Variants in RBBP8 observed in about 807,000 individuals in gnomAD.
The protein encoded by RBBP8 is DNA endonuclease RBBP8.
In RBBP8, 88 loss-of-function variants were observed where a neutral mutation model predicts 108.3. That is an observed-to-expected ratio of 0.81 (90% confidence interval 0.68 to 0.97). RBBP8 has a LOEUF of 0.97. Ranked by LOEUF, RBBP8 falls within the 50% of genes least tolerant of loss-of-function variation. The pLI is 0.00. For synonymous variants in RBBP8, 332 were observed against 348.2 expected, an observed-to-expected ratio of 0.95 and a Z score of 0.52; for missense variants, 1,023 against 1,049.0, an observed-to-expected ratio of 0.98 and a Z score of 0.34.
chr18:22,924,007 T>A (rs1909695188), intron 3 of RBBP8, among the ~76,000 whole-genome samples: 1 of 152,166 alleles, frequency 6.6e-6, no homozygotes, highest in Admixed American at 6.5e-5. Flanking sequence ...TTCACTCCAA[T>A]CCTGACTGAG....
intron 17 of RBBP8, among the ~76,000 whole-genome samples, chr18:23,017,890 G>T (rs2046288691): frequency 6.6e-6 from 1 of 151,510 alleles, no homozygotes; most frequent in Non-Finnish European, 1.5e-5. Flanking sequence ...GGGATTACAG[G>T]CACCTACCAC....
chr18:23,022,636 ATAAATAAAATACAATAT>A lies in RBBP8; in HGVS notation c.2596+367_2596+383del, dbSNP rs1568010110. Among the ~76,000 whole-genome samples the A allele has an allele frequency of 4.4e-4, 41 of 94,026 alleles. 1 individual carries two copies. Among genetic ancestry groups the A allele is most frequent in the Non-Finnish European group, 5.6e-4 (20 of 35,558 alleles). 61.7% of individuals were successfully genotyped at this position (94,026 alleles called of 152,430 possible). A position where few individuals can be genotyped will look rare whatever the true frequency, so the allele number is the denominator to read the frequency against. On this transcript the variant is annotated intron_variant, in intron 18 of 18. Transcript: ENST00000327155. ...ATAAAATAAAATAAAATAAAATAAA[ATAAATAAAATACAATAT>A]AAAATAAAATAAAATAAATAACTGT... is the stretch of plus-strand genomic sequence containing the variant.
At chr18:23,024,763 A>G (rs1039452192) in intron 18 of RBBP8, 1 of 152,240 alleles carries the variant, frequency 6.6e-6, no homozygotes, top group Non-Finnish European at 1.5e-5. Flanking sequence ...ATTGAAAAGT[A>G]TAGTAGTGTT....
intron 1 of RBBP8, among the ~76,000 whole-genome samples, chr18:22,915,058 G>C (rs1292674112): frequency 1.3e-5 from 2 of 152,008 alleles, no homozygotes; most frequent in Admixed American, 6.6e-5. Flanking sequence ...TTAGATTTAT[G>C]TTGGCATACC....
At chr18:22,934,682 C>T (rs935975001) in intron 1 of RBBP8, 2 of 147,780 alleles carry the variant, frequency 1.4e-5, no homozygotes, top group Admixed American at 6.7e-5. Context: ...CACCCCACGG[C>T]AGGCCCCGGT....
intron 3 of RBBP8, among the ~76,000 whole-genome samples, chr18:22,947,437 A>G (rs1046536687): frequency 1.3e-5 from 2 of 151,856 alleles, no homozygotes; most frequent in East Asian, 1.9e-4. Context: ...CTGCATAGGT[A>G]TGTAAAAGAG....
chr18:22,988,225 C>T (rs1915460697), intron 8 of RBBP8, among the ~76,000 whole-genome samples: 1 of 152,190 alleles, frequency 6.6e-6, no homozygotes, highest in Non-Finnish European at 1.5e-5. Flanking sequence ...TGTGTCACAG[C>T]CACTAATACC....
intron 4 of RBBP8, among the ~76,000 whole-genome samples, chr18:22,961,783 C>A (rs2144555421): frequency 6.6e-6 from 1 of 152,286 alleles, no homozygotes; most frequent in Non-Finnish European, 1.5e-5. Flanking sequence ...AAGGATCAAT[C>A]TGTGAAGAGA....
At chr18:22,969,538 TTCTG>T (rs1017895580) in intron 5 of RBBP8, among the ~76,000 whole-genome samples, 11 of 152,180 alleles carry the variant, frequency 7.2e-5, no homozygotes, top group African/African-American at 1.7e-4. Flanking sequence ...TCCAAACTAA[TTCTG>T]TCTTTTATTT....
chr18:22,938,600 G>A (rs2144408348), intron 2 of RBBP8, among the ~76,000 whole-genome samples: 1 of 152,296 alleles, frequency 6.6e-6, no homozygotes, highest in South Asian at 2.1e-4. Context: ...TTATTTACTT[G>A]TGGTAATATG....
intron 4 of RBBP8, among the ~76,000 whole-genome samples, chr18:22,964,673 A>T (rs187281043): frequency 2.3e-3 from 351 of 150,750 alleles, no homozygotes; most frequent in Non-Finnish European, 4.1e-3. Context: ...TTTTGTTTAA[A>T]TAGTGACAGG....
chr18:22,978,542 T>C (rs1914657989), intron 6 of RBBP8, among the ~76,000 whole-genome samples: 1 of 152,054 alleles, frequency 6.6e-6, no homozygotes, highest in Non-Finnish European at 1.5e-5. Context: ...TGATCCCAGC[T>C]TCTTCCACAT....
At chr18:22,957,488 T>G (rs1912682886) in intron 4 of RBBP8, among the ~76,000 whole-genome samples, 1 of 152,144 alleles carries the variant, frequency 6.6e-6, no homozygotes, top group African/African-American at 2.4e-5. Flanking sequence ...TAATTGTTAC[T>G]CTGATAAGTT....
At chr18:22,941,165 T>G (rs913987001) in intron 2 of RBBP8, among the ~76,000 whole-genome samples, 1 of 152,052 alleles carries the variant, frequency 6.6e-6, no homozygotes, top group Admixed American at 6.5e-5. Flanking sequence ...AAACTCTTGA[T>G]TTCTATTTTT....
At chr18:22,929,505 TGTG>T (rs778108751), upstream of RBBP8, 4,331 of 41,950 alleles carry the variant, frequency 0.1, 170 homozygotes, top group East Asian at 0.14. Context: ...TGTGTGTGTG[TGTG>T]TGAAGAGACA....
chr18:22,963,094 CCTT>C (rs199556878), intron 4 of RBBP8, among the ~76,000 whole-genome samples: 1,711 of 152,250 alleles, frequency 0.011, 27 homozygotes, highest in African/African-American at 0.039. Context: ...ATTAAGTTCT[CCTT>C]CTTTCCAATT....
chr18:22,995,232 GA>G (rs1403410693), intron 12 of RBBP8, among the ~76,000 whole-genome samples: 1 of 151,392 alleles, frequency 6.6e-6, no homozygotes, highest in Non-Finnish European at 1.5e-5. Context: ...TATCATTCAT[GA>G]TTTTTTTTGA....
At chr18:22,964,937 G>T (rs901008300) in intron 4 of RBBP8, among the ~76,000 whole-genome samples, 1 of 151,800 alleles carries the variant, frequency 6.6e-6, no homozygotes, top group Non-Finnish European at 1.5e-5. Context: ...ATAGGTTCTT[G>T]GAAACTATGA....
intron 4 of RBBP8, among the ~76,000 whole-genome samples, chr18:22,957,130 C>T (rs970674405): frequency 2.0e-5 from 3 of 152,036 alleles, no homozygotes; most frequent in Non-Finnish European, 2.9e-5. Context: ...AGCAAGTGTC[C>T]GCTTTTGTGT....
Sources: allele counts gnomAD v4.1 joint callset (sites outside exome capture counted in the v4.1 genomes callset), GRCh38; gene constraint gnomAD v4.1.1; transcripts MANE v1.5; gene names NCBI Gene and HGNC (gene_info 2026-07-23, HGNC 2026-07-21).